Variants in TOP3A observed in about 807,000 individuals in gnomAD.
TOP3A encodes the protein DNA topoisomerase III alpha.
TOP3A carries 64 observed loss-of-function variants against 111.3 expected under a neutral mutation model. That is an observed-to-expected ratio of 0.57 (90% CI 0.47 to 0.71). TOP3A has a LOEUF of 0.71. TOP3A is among the 30% of genes least tolerant of loss of function. TOP3A has a pLI of 0.00. For missense variants in TOP3A, 1,104 were observed against 1,285.0 expected (o/e 0.86, Z 2.15); for synonymous variants, 484 against 485.1 (o/e 1.00, Z 0.03).
At chr17:18,301,238 A>C (rs1020414444) in intron 8 of TOP3A, among the ~76,000 whole-genome samples, 5 of 152,204 alleles carry the variant, frequency 3.3e-5, no homozygotes, top group East Asian at 1.9e-4. Flanking sequence ...GAAAGTAAAC[A>C]ATCAGCCCAA....
intron 8 of TOP3A, among the ~76,000 whole-genome samples, chr17:18,300,391 T>TA: frequency 6.6e-6 from 1 of 150,410 alleles, no homozygotes; most frequent in East Asian, 2.0e-4. Context: ...AGACTTTGTC[T>TA]CGGGGGAGAA....
At position 18,294,762 on chromosome 17, in the gene TOP3A, T is replaced by C. The variant is rs1980690740; in HGVS notation, c.1014A>G (p.Arg338=). 3 of 1,614,066 alleles carry C rather than the reference T, an allele frequency of 1.9e-6. No homozygotes were observed. Among genetic ancestry groups the C allele is most frequent in the African/African-American group, 1.3e-5 (1 of 75,058 alleles). The change falls in exon 10 of 19, where the codon CGA becomes CGG. Residue 338 remains arginine (R), a synonymous_variant. Transcript: ENST00000321105. ...DTVELEKLAS[R]KLRINAKETM... ...TTTCTTTAGCATTTATTCTCAACTT[T>C]CGAGAAGCCAGCTTCTCAAGCTCCT...
At chr17:18,301,748 G>A in intron 8 of TOP3A, 137 bp downstream of exon 8, 1 of 654,414 alleles carries the variant, frequency 1.5e-6, no homozygotes, top group Non-Finnish European at 2.6e-6. Flanking sequence ...CGTCTTATTG[G>A]TTCCCAAAAA....
chr17:18,294,790 G>C lies in TOP3A; in HGVS notation c.991-5C>G. On this transcript the variant is annotated splice_polypyrimidine_tract_variant and splice_region_variant and intron_variant, in intron 9 of 18. Transcript: ENST00000321105. ...AGAAGCCAGCTTCTCAAGCTCCTGT[G>C]AAATGGGTCAACAGGCATGTTAGGT... 6.2e-7 allele frequency: 1 copy of C among 1,609,654 alleles called. No homozygotes were observed. Among genetic ancestry groups the C allele is most frequent in the Non-Finnish European group, 8.5e-7 (1 of 1,176,038 alleles).
At chr17:18,300,370 G>A (rs1428470257) in intron 8 of TOP3A, among the ~76,000 whole-genome samples, 1 of 151,368 alleles carries the variant, frequency 6.6e-6, no homozygotes, top group Non-Finnish European at 1.5e-5. Flanking sequence ...CTCCAGCCTG[G>A]CAAATGAGCT....
At chr17:18,307,025 T>C in intron 3 of TOP3A, 59 bp from the exon 4 acceptor site, 1 of 1,251,154 alleles carries the variant, frequency 8.0e-7, no homozygotes. Context: ...CCCTCCAATC[T>C]AATGACAGCA....
At chr17:18,280,995 G>C (rs1254105937) in intron 16 of TOP3A, among the ~76,000 whole-genome samples, 1 of 152,212 alleles carries the variant, frequency 6.6e-6, no homozygotes, top group Non-Finnish European at 1.5e-5. Flanking sequence ...CCCTCAGTTT[G>C]CATGTGAGTA....
chr17:18,275,293 CAAA>C (rs538677203), intron 18 of TOP3A, among the ~76,000 whole-genome samples: 8,539 of 60,250 alleles, frequency 0.14, 194 homozygotes, highest in South Asian at 0.23. Flanking sequence ...GACCCTGTCT[CAAA>C]AAAAAAAAAA....
chr17:18,302,085 C>T, intron 7 of TOP3A, 100 bp from the exon 8 acceptor site: 1 of 1,390,006 alleles, frequency 7.2e-7, no homozygotes, highest in Admixed American at 2.2e-5. Context: ...AAACGAATAT[C>T]AAATAGGGAG....
At chr17:18,288,005 A>G (rs1980214193) in intron 13 of TOP3A, among the ~76,000 whole-genome samples, 1 of 151,848 alleles carries the variant, frequency 6.6e-6, no homozygotes, top group South Asian at 2.1e-4. Context: ...ATCTCAAACA[A>G]ACAACAAAAA....
intron 13 of TOP3A, among the ~76,000 whole-genome samples, chr17:18,288,853 G>C (rs1410303191): frequency 6.6e-6 from 1 of 152,146 alleles, no homozygotes; most frequent in East Asian, 1.9e-4. Context: ...GTTAGATTGA[G>C]AACTTAAAAA....
intron 9 of TOP3A, among the ~76,000 whole-genome samples, chr17:18,297,585 A>C (rs1414311671): frequency 1.3e-5 from 2 of 151,944 alleles, no homozygotes; most frequent in Non-Finnish European, 1.5e-5. Flanking sequence ...GCCACACCTG[A>C]CTGGTTTTCG....
intron 11 of TOP3A, among the ~76,000 whole-genome samples, chr17:18,292,046 A>G (rs970315550): frequency 2.2e-4 from 34 of 152,306 alleles, no homozygotes; most frequent in African/African-American, 8.2e-4. Context: ...TATTTTATTA[A>G]AAGAAGGAGG....
intron 9 of TOP3A, among the ~76,000 whole-genome samples, chr17:18,297,438 G>GTCCCTGTCCCTCTCCCTCTCCCCACGGTC (rs1555571028): frequency 3.4e-5 from 5 of 146,024 alleles, no homozygotes; most frequent in South Asian, 2.1e-4. Context: ...CCCTGTCCCT[G>GTCCCTGTCCCTCTCCCTCTCCCCACGGTC]TCCCTCTCCC....
At chr17:18,293,286 G>GT (rs908554436) in intron 10 of TOP3A, among the ~76,000 whole-genome samples, 1 of 152,170 alleles carries the variant, frequency 6.6e-6, no homozygotes, top group African/African-American at 2.4e-5. Flanking sequence ...GACTCTATTT[G>GT]TTTTTTCTTT....
chr17:18,314,268 C>A (rs1333959766), intron 1 of TOP3A, among the ~76,000 whole-genome samples: 1 of 152,160 alleles, frequency 6.6e-6, no homozygotes, highest in Non-Finnish European at 1.5e-5. Flanking sequence ...TAGGGAAAAA[C>A]AGTAAAATAC....
intron 13 of TOP3A, among the ~76,000 whole-genome samples, chr17:18,286,259 T>C (rs1980092977): frequency 6.7e-6 from 1 of 148,920 alleles, no homozygotes; most frequent in Admixed American, 6.7e-5. Context: ...ATCCCAGCAA[T>C]TTGGGAAGCC....
At chr17:18,294,475 G>A (rs1030068827) in intron 10 of TOP3A, among the ~76,000 whole-genome samples, 10 of 151,882 alleles carry the variant, frequency 6.6e-5, no homozygotes, top group South Asian at 2.1e-4. Context: ...GACTACAGGC[G>A]CACGCCACCA....
intron 17 of TOP3A, 64 bp from the exon 18 acceptor site, chr17:18,278,421 T>G (rs1315307859): frequency 7.0e-7 from 1 of 1,437,054 alleles, no homozygotes; most frequent in East Asian, 2.3e-5. Flanking sequence ...CTTAGTCCAG[T>G]GAGGGCTGCT....
Sources: allele counts gnomAD v4.1 joint callset (sites outside exome capture counted in the v4.1 genomes callset), GRCh38; gene constraint gnomAD v4.1.1; transcripts MANE v1.5; gene names NCBI Gene and HGNC (gene_info 2026-07-23, HGNC 2026-07-21).